PPP6R3: variants seen among roughly 807,000 people sequenced by gnomAD.
PPP6R3 encodes protein phosphatase 6 regulatory subunit 3.
A neutral mutation model predicts 110.7 loss-of-function variants in PPP6R3; 38 were observed. That is an observed-to-expected ratio of 0.34 (90% CI 0.26 to 0.45). The LOEUF (loss-of-function observed/expected upper bound fraction) is 0.45. Ranked by LOEUF, PPP6R3 falls within the 20% of genes least tolerant of loss-of-function variation. The pLI, the probability that PPP6R3 is intolerant of heterozygous loss-of-function variation, is 1.00. For missense variants in PPP6R3, 870 were observed against 1,062.4 expected (o/e 0.82, Z 2.52); for synonymous variants, 369 against 373.5 (o/e 0.99, Z 0.14).
At position 68,537,694 on chromosome 11, in the gene PPP6R3, A is replaced by G; in HGVS notation, c.30A>G (p.Ser10=). The G allele has an allele frequency of 6.2e-7, 1 of 1,609,172 alleles. No individual in the cohort carries two copies. Among genetic ancestry groups the G allele is most frequent in the Non-Finnish European group, 8.5e-7 (1 of 1,177,322 alleles). The part of the protein sequence containing the change: MFWKFDLHS[S]SHIDTLLERE... ...TTTGGAAATTTGATCTTCACTCATC[A>G]TCCCACATAGACACACTTCTAGAAA... is the stretch of plus-strand genomic sequence containing the variant. Residue 10 remains serine, a synonymous_variant, in exon 3 of 24, where the codon TCA becomes TCG. Transcript: ENST00000393800.
At chr11:68,478,987 T>C (rs183282745) in intron 1 of PPP6R3, among the ~76,000 whole-genome samples, 16 of 152,286 alleles carry the variant, frequency 1.1e-4, no homozygotes, top group Admixed American at 3.3e-4. Context: ...AATATTTTCA[T>C]ATATGAAAGA....
Position 68,614,049 on chromosome 11 carries a change from A to AAAAT in PPP6R3, c.*937_*940dup. The AAAAT allele has an allele frequency of 1.0e-6, 1 of 985,798 alleles. No homozygotes were observed. 61.1% of individuals were successfully genotyped at this position (985,798 alleles called of 1,614,324 possible). ...AGCAATCTGCATATTTAACAGACCT[A>AAAAT]AAATAAATCCTATTAGGCAAGTCAG... is the stretch of plus-strand genomic sequence containing the variant. On this transcript the variant is annotated 3_prime_UTR_variant, in exon 24 of 24. Transcript: ENST00000393800.
At chr11:68,605,789 T>C (rs918842264) in intron 22 of PPP6R3, among the ~76,000 whole-genome samples, 1 of 152,220 alleles carries the variant, frequency 6.6e-6, no homozygotes, top group African/African-American at 2.4e-5. Context: ...CAAGCAACTG[T>C]CTGTGGAGGA....
At chr11:68,561,054 G>T (rs1454079074) in intron 8 of PPP6R3, among the ~76,000 whole-genome samples, 2 of 151,822 alleles carry the variant, frequency 1.3e-5, no homozygotes, top group Non-Finnish European at 2.9e-5. Flanking sequence ...CCGCCACTAC[G>T]CCCAGCTAAC....
At chr11:68,546,060 C>G (rs1353134386) in intron 4 of PPP6R3, among the ~76,000 whole-genome samples, 1 of 152,142 alleles carries the variant, frequency 6.6e-6, no homozygotes, top group Non-Finnish European at 1.5e-5. Context: ...TGTGTCCTGT[C>G]CTATGCCAAG....
chr11:68,567,589 T>G (rs2099482539), intron 10 of PPP6R3, among the ~76,000 whole-genome samples: 1 of 152,168 alleles, frequency 6.6e-6, no homozygotes, highest in African/African-American at 2.4e-5. Flanking sequence ...GACTCTTCCT[T>G]GAGACACAGT....
chr11:68,546,333 A>T (rs2099349045), intron 4 of PPP6R3, among the ~76,000 whole-genome samples: 1 of 152,216 alleles, frequency 6.6e-6, no homozygotes, highest in African/African-American at 2.4e-5. Context: ...TGTAGCCATT[A>T]TCCAGACATT....
At position 68,554,172 on chromosome 11, in the gene PPP6R3, T is replaced by C. The variant is rs2099390957; in HGVS notation, c.646T>C (p.Cys216Arg). 6.2e-7 allele frequency: 1 copy of C among 1,613,494 alleles called. No individual in the cohort carries two copies. The highest frequency in any genetic ancestry group is 8.5e-7 in the Non-Finnish European group (1 of 1,179,762). ...ACATTCAAATGCATCACAATCACTT[T>C]GTGAAATTGTTCGCCTGAGCAGAGA... ...DRHSNASQSLCEIVRLSRDQM... is the reference protein window; with the variant it reads ...DRHSNASQSLREIVRLSRDQM... Residue 216 changes from cysteine (C) to arginine (R), a missense_variant, in exon 7 of 24, where the codon TGT (cysteine) becomes CGT (arginine). By Grantham distance (180) the Cys-to-Arg change is radical (BLOSUM62 -3). Coordinates refer to ENST00000393800, the MANE Select transcript of PPP6R3 (RefSeq NM_001164161.2).
Position 68,603,352 on chromosome 11 carries a change from T to C in PPP6R3, c.2310T>C (p.Ser770=), listed in dbSNP as rs1395961589. Residue 770 remains serine, a synonymous_variant, in exon 22 of 24, where the codon AGT becomes AGC. Transcript: ENST00000393800. Reference sequence around the variant, plus strand: ...CTGTGTTCTTTTCAGCGGCAGGCAGTGTGGCCATGGAAGCCAGCTCTGACG... The same window carrying C: ...CTGTGTTCTTTTCAGCGGCAGGCAGCGTGGCCATGGAAGCCAGCTCTGACG... The part of the protein sequence containing the change: ...ALAVQPEAAG[S]VAMEASSDGE... The C allele has an allele frequency of 1.2e-6, 2 of 1,613,890 alleles. No homozygotes were observed. Among genetic ancestry groups the C allele is most frequent in the East Asian group, 2.2e-5 (1 of 44,852 alleles).
chr11:68,608,496 G>A (rs768967522), intron 22 of PPP6R3, among the ~76,000 whole-genome samples: 2 of 152,212 alleles, frequency 1.3e-5, no homozygotes, highest in Non-Finnish European at 2.9e-5. Flanking sequence ...GGGTAGTAGC[G>A]TGGGCTTCTT....
At chr11:68,531,306 G>T (rs1316803353) in intron 2 of PPP6R3, among the ~76,000 whole-genome samples, 3 of 102,860 alleles carry the variant, frequency 2.9e-5, no homozygotes, top group East Asian at 6.4e-4. Flanking sequence ...CTGAGACTGT[G>T]TTTTATTTAT....
intron 22 of PPP6R3, chr11:68,609,329 G>A (rs1942097855): frequency 8.2e-6 from 5 of 606,832 alleles, no homozygotes; most frequent in Middle Eastern, 4.1e-4. Context: ...TCGAGGAGCC[G>A]TGAAATCCGA....
At chr11:68,514,725 C>A (rs1412111157) in intron 1 of PPP6R3, among the ~76,000 whole-genome samples, 4 of 152,206 alleles carry the variant, frequency 2.6e-5, no homozygotes, top group African/African-American at 9.6e-5. Flanking sequence ...GCTGGGATTA[C>A]AGGTGTGCAC....
At chr11:68,603,550 G>C (rs1388022365) in intron 22 of PPP6R3, 58 bp downstream of exon 22, 1 of 1,601,760 alleles carries the variant, frequency 6.2e-7, no homozygotes, top group Non-Finnish European at 8.5e-7. Flanking sequence ...TGGTGGGGCA[G>C]AAACCTCAAA....
chr11:68,599,217 G>A (rs538452087), intron 19 of PPP6R3, among the ~76,000 whole-genome samples: 103 of 152,310 alleles, frequency 6.8e-4, no homozygotes, highest in African/African-American at 2.4e-3. Flanking sequence ...CTGATGGAAT[G>A]CAGTGGTTCC....
intron 6 of PPP6R3, among the ~76,000 whole-genome samples, chr11:68,551,987 C>T (rs2099382887): frequency 6.6e-6 from 1 of 152,176 alleles, no homozygotes; most frequent in African/African-American, 2.4e-5. Context: ...TAAAGGTTGA[C>T]TTGGTTACAG....
At chr11:68,609,714 C>G in intron 22 of PPP6R3, 190 bp from the exon 23 acceptor site, 1 of 1,575,300 alleles carries the variant, frequency 6.3e-7, no homozygotes, top group South Asian at 1.1e-5. Context: ...GTGTGCGACC[C>G]TTTCCTTTTG....
At chr11:68,478,647 G>GTT (rs769296530) in intron 1 of PPP6R3, among the ~76,000 whole-genome samples, 566 of 50,454 alleles carry the variant, frequency 0.011, 174 homozygotes, top group African/African-American at 0.014. Flanking sequence ...CACTTGGTAA[G>GTT]TTTTTTTTTT....
chr11:68,490,371 G>C (rs1381356712), intron 1 of PPP6R3, among the ~76,000 whole-genome samples: 1 of 151,456 alleles, frequency 6.6e-6, no homozygotes, highest in East Asian at 1.9e-4. Flanking sequence ...TTTTGTTTTT[G>C]ATTTTCTGAC....
Sources: gnomAD v4.1 joint callset for allele counts (sites outside exome capture counted in the v4.1 genomes callset) on GRCh38, gnomAD v4.1.1 for gene constraint, MANE v1.5 for transcripts, NCBI Gene and HGNC (gene_info 2026-07-23, HGNC 2026-07-21) for gene names.